The following SMURF1 variants were observed in gnomAD, a reference collection of about 807,000 sequenced individuals.
SMURF1 encodes the protein E3 ubiquitin-protein ligase SMURF1.
Under a neutral mutation model 98.0 loss-of-function variants are expected in SMURF1, and 44 were observed. The ratio of observed to expected loss-of-function variants is 0.45; its 90% confidence interval spans 0.35 to 0.58. The LOEUF (loss-of-function observed/expected upper bound fraction) is 0.58, where lower values mean the gene tolerates loss of function less well. SMURF1 is among the 20% of genes least tolerant of loss of function. The pLI is 0.00. For synonymous variants in SMURF1, 396 were observed against 374.9 expected (o/e 1.06, Z -0.65); for missense variants, 687 against 938.4 (o/e 0.73, Z 3.50).
At position 99,035,585 on chromosome 7, in the gene SMURF1, C is replaced by G. The variant is rs758104307; in HGVS notation, c.1941G>C (p.Arg647Ser). 1.9e-6 allele frequency: 3 copies of G among 1,614,110 alleles called. No homozygotes were observed. The highest frequency in any genetic ancestry group is 1.3e-5 in the African/African-American group (1 of 74,942). Reference sequence around the variant, plus strand: ...TCACAAACTGCAGGAGCCTGGCCCTCCTTTCTTCATCGAACGTCTCCACCG... The same window carrying G: ...TCACAAACTGCAGGAGCCTGGCCCTGCTTTCTTCATCGAACGTCTCCACCG... Reference protein sequence around the residue: ...WQAVETFDEERRARLLQFVTG... With the variant: ...WQAVETFDEESRARLLQFVTG... The change falls in exon 16 of 18, where the codon AGG (arginine) becomes AGC (serine). Residue 647 changes from arginine to serine, a missense_variant. Physicochemically the swap from Arg to Ser is moderately radical, Grantham distance 110. Coordinates refer to ENST00000361368, the MANE Select transcript of SMURF1 (RefSeq NM_181349.3).
intron 1 of SMURF1, among the ~76,000 whole-genome samples, chr7:99,108,611 CAAAA>C (rs11458541): frequency 5.1e-3 from 300 of 58,564 alleles, no homozygotes; most frequent in African/African-American, 0.018. Context: ...AACTCTGTCT[CAAAA>C]AAAAAAAAAA....
intron 17 of SMURF1, 172 bp from the exon 18 acceptor site, chr7:99,030,855 G>T: frequency 1.8e-6 from 1 of 542,184 alleles, no homozygotes; most frequent in Non-Finnish European, 3.3e-6. Flanking sequence ...CTAATACAAA[G>T]ATTTGTAATT....
intron 3 of SMURF1, 55 bp from the exon 4 acceptor site, chr7:99,057,606 T>TTTTTTTTTTTTTTTTTTTTTG (rs1795915334): frequency 1.1e-6 from 1 of 928,136 alleles, no homozygotes; most frequent in African/African-American, 2.6e-5. Context: ...TTTTGTTTTG[T>TTTTTTTTTTTTTTTTTTTTTG]TTTTTTTTTT....
At chr7:99,070,890 G>A (rs538227083) in intron 1 of SMURF1, among the ~76,000 whole-genome samples, 109 of 152,068 alleles carry the variant, frequency 7.2e-4, no homozygotes, top group Non-Finnish European at 1.4e-3. Context: ...ACAAGGAGTC[G>A]AGAGCCTGGA....
intron 5 of SMURF1, among the ~76,000 whole-genome samples, chr7:99,055,191 G>C (rs547147727): frequency 4.1e-4 from 63 of 152,182 alleles, no homozygotes; most frequent in African/African-American, 1.4e-3. Flanking sequence ...TTTTGGGCCA[G>C]GCACGGTGGC....
chr7:99,072,382 TGGTGGCTCA>T (rs1232578331), intron 1 of SMURF1, among the ~76,000 whole-genome samples: 2 of 152,104 alleles, frequency 1.3e-5, no homozygotes, highest in African/African-American at 4.8e-5. Flanking sequence ...CGGCCAGGCG[TGGTGGCTCA>T]CCAGCACTTT....
chr7:99,123,375 A>G (rs1753288699), intron 1 of SMURF1, among the ~76,000 whole-genome samples: 1 of 152,116 alleles, frequency 6.6e-6, no homozygotes, highest in Non-Finnish European at 1.5e-5. Context: ...TCTATAAAAA[A>G]TTAAACAATT....
At chr7:99,085,268 G>A (rs1420033395) in intron 1 of SMURF1, among the ~76,000 whole-genome samples, 1 of 150,204 alleles carries the variant, frequency 6.7e-6, no homozygotes, top group Non-Finnish European at 1.5e-5. Context: ...CAGGAGAATC[G>A]CTTGAACCCA....
chr7:99,130,203 A>T (rs1797841150), intron 1 of SMURF1, among the ~76,000 whole-genome samples: 1 of 152,242 alleles, frequency 6.6e-6, no homozygotes, highest in Non-Finnish European at 1.5e-5. Flanking sequence ...CTGTAATCCC[A>T]GCACTTTGGG....
At chr7:99,038,793 C>T (rs1795257236) in intron 13 of SMURF1, among the ~76,000 whole-genome samples, 1 of 152,074 alleles carries the variant, frequency 6.6e-6, no homozygotes, top group Non-Finnish European at 1.5e-5. Context: ...TTTCAGGGGA[C>T]CCACAACCCA....
At chr7:99,058,845 T>G (rs1795949253) in intron 3 of SMURF1, among the ~76,000 whole-genome samples, 1 of 152,180 alleles carries the variant, frequency 6.6e-6, no homozygotes, top group Non-Finnish European at 1.5e-5. Flanking sequence ...TCCCAGCACT[T>G]CAGGAGGCCA....
intron 1 of SMURF1, among the ~76,000 whole-genome samples, chr7:99,100,782 A>G (rs1285187941): frequency 9.2e-5 from 14 of 152,266 alleles, no homozygotes; most frequent in Admixed American, 9.2e-4. Context: ...AGAAGACTAG[A>G]GAAGGAAGAT....
At chr7:99,141,418 G>T (rs1427788334) in intron 1 of SMURF1, among the ~76,000 whole-genome samples, 1 of 152,172 alleles carries the variant, frequency 6.6e-6, no homozygotes, top group East Asian at 1.9e-4. Context: ...GTCAATTACA[G>T]ACTGAGCTGT....
At chr7:99,053,863 C>T (rs1362936217) in intron 6 of SMURF1, among the ~76,000 whole-genome samples, 1 of 152,106 alleles carries the variant, frequency 6.6e-6, no homozygotes, top group East Asian at 1.9e-4. Context: ...TGTTGAGTTC[C>T]TCCCCCCGTC....
At chr7:99,053,476 A>G (rs1231501976) in intron 6 of SMURF1, among the ~76,000 whole-genome samples, 2 of 152,136 alleles carry the variant, frequency 1.3e-5, no homozygotes, top group Admixed American at 6.5e-5. Flanking sequence ...GATTTCTCCA[A>G]TTGTCTCATA....
chr7:99,130,082 T>C (rs1314003067), intron 1 of SMURF1, among the ~76,000 whole-genome samples: 1 of 152,200 alleles, frequency 6.6e-6, no homozygotes, highest in Non-Finnish European at 1.5e-5. Flanking sequence ...TTCTCTCTCT[T>C]AAAACTGCTC....
At chr7:99,134,761 G>C (rs923901252) in intron 1 of SMURF1, among the ~76,000 whole-genome samples, 1 of 152,080 alleles carries the variant, frequency 6.6e-6, no homozygotes, top group Non-Finnish European at 1.5e-5. Context: ...ATAGGTCAGA[G>C]ATAACCCCAA....
chr7:99,056,917 C>T (rs199998929), intron 5 of SMURF1, among the ~76,000 whole-genome samples: 4 of 141,240 alleles, frequency 2.8e-5, no homozygotes, highest in African/African-American at 1.1e-4. Flanking sequence ...GCAGGAGAAT[C>T]GCTGGAACCT....
chr7:99,080,114 A>G (rs915350418), intron 1 of SMURF1, among the ~76,000 whole-genome samples: 1 of 152,250 alleles, frequency 6.6e-6, no homozygotes, highest in East Asian at 1.9e-4. Context: ...TTTATAAATC[A>G]TAACAGTGCA....
Sources: allele counts gnomAD v4.1 joint callset (sites outside exome capture counted in the v4.1 genomes callset), GRCh38; gene constraint gnomAD v4.1.1; transcripts MANE v1.5; gene names NCBI Gene and HGNC (gene_info 2026-07-23, HGNC 2026-07-21).